Variants in SGCZ observed in about 807,000 individuals in gnomAD.
SGCZ encodes zeta-sarcoglycan.
SGCZ carries 40 observed loss-of-function variants against 41.3 expected under a neutral mutation model. That is an observed-to-expected ratio of 0.97 (90% CI 0.75 to 1.26). The LOEUF (loss-of-function observed/expected upper bound fraction) is 1.26, where lower values mean the gene tolerates loss of function less well. Among genes scored for constraint, SGCZ ranks in the 50% most tolerant of loss-of-function variants. SGCZ has a pLI of 0.00. For synonymous variants in SGCZ, 206 were observed against 137.5 expected (o/e 1.50, Z -3.49); for missense variants, 552 against 369.8 (o/e 1.49, Z -4.04).
intron 1 of SGCZ, among the ~76,000 whole-genome samples, chr8:15,188,965 CT>C (rs1800439984): frequency 1.3e-5 from 2 of 151,880 alleles, no homozygotes; most frequent in Non-Finnish European, 2.9e-5. Context: ...GACATTCATC[CT>C]CCATTCACTC....
At chr8:14,463,781 G>A (rs1406030163) in intron 2 of SGCZ, among the ~76,000 whole-genome samples, 1 of 151,532 alleles carries the variant, frequency 6.6e-6, no homozygotes, top group Admixed American at 6.6e-5. Context: ...ATTATGTTAA[G>A]GAAGTTTCCC....
At chr8:14,738,560 G>A (rs928384450) in intron 1 of SGCZ, among the ~76,000 whole-genome samples, 2 of 152,008 alleles carry the variant, frequency 1.3e-5, no homozygotes, top group African/African-American at 4.8e-5. Context: ...AATTTCCTCT[G>A]CAGTTACCAT....
At chr8:14,626,770 A>G (rs1806473711) in intron 1 of SGCZ, among the ~76,000 whole-genome samples, 2 of 152,182 alleles carry the variant, frequency 1.3e-5, no homozygotes, top group Admixed American at 6.5e-5. Context: ...CACAGCCCTC[A>G]GAAGGAACCA....
chr8:14,247,962 C>A (rs1799164007), intron 3 of SGCZ, among the ~76,000 whole-genome samples: 1 of 152,308 alleles, frequency 6.6e-6, no homozygotes, highest in African/African-American at 2.4e-5. Flanking sequence ...GAAAAATAGA[C>A]AATCTGCAGA....
chr8:14,875,036 G>C (rs562435800), intron 1 of SGCZ, among the ~76,000 whole-genome samples: 25 of 152,164 alleles, frequency 1.6e-4, no homozygotes, highest in Non-Finnish European at 3.4e-4. Context: ...ATCTTTGTCT[G>C]TGTGTATTGC....
At chr8:14,769,931 G>A (rs911541453) in intron 1 of SGCZ, among the ~76,000 whole-genome samples, 1 of 150,252 alleles carries the variant, frequency 6.7e-6, no homozygotes, top group Non-Finnish European at 1.5e-5. Flanking sequence ...CAGGCATAAA[G>A]ATGCAACTCA....
chr8:14,884,491 AGACCTAAC>A (rs1804716437), intron 1 of SGCZ, among the ~76,000 whole-genome samples: 4 of 152,184 alleles, frequency 2.6e-5, no homozygotes, highest in Middle Eastern at 3.4e-3. Flanking sequence ...TAGATGGTAA[AGACCTAAC>A]ATACACTGGG....
At chr8:14,235,235 G>A (rs1226448972) in intron 4 of SGCZ, among the ~76,000 whole-genome samples, 2 of 152,100 alleles carry the variant, frequency 1.3e-5, no homozygotes, top group East Asian at 1.9e-4. Context: ...CTTTCACACA[G>A]CCCTAGTCTT....
chr8:15,205,610 G>C (rs1234872823), intron 1 of SGCZ, among the ~76,000 whole-genome samples: 3 of 152,098 alleles, frequency 2.0e-5, no homozygotes, highest in Non-Finnish European at 4.4e-5. Context: ...AATAACAGAT[G>C]CTGGTGAGGC....
At chr8:14,868,159 T>C (rs563116037) in intron 1 of SGCZ, among the ~76,000 whole-genome samples, 5 of 152,254 alleles carry the variant, frequency 3.3e-5, no homozygotes, top group Admixed American at 6.5e-5. Context: ...ATATTTTTAC[T>C]GAAATCAACT....
chr8:14,132,118 C>T (rs752292875), intron 5 of SGCZ, among the ~76,000 whole-genome samples: 3 of 152,144 alleles, frequency 2.0e-5, no homozygotes, highest in Admixed American at 6.6e-5. Flanking sequence ...GTCCCTTAGC[C>T]TGTCTTCAAC....
chr8:14,799,690 A>AAT (rs925226501), intron 1 of SGCZ, among the ~76,000 whole-genome samples: 1 of 150,876 alleles, frequency 6.6e-6, no homozygotes, highest in African/African-American at 2.4e-5. Context: ...ATAAAAAAAA[A>AAT]TTTTTTTTTT....
intron 3 of SGCZ, among the ~76,000 whole-genome samples, chr8:14,291,872 AC>A (rs1459581345): frequency 6.6e-6 from 1 of 151,976 alleles, no homozygotes; most frequent in Non-Finnish European, 1.5e-5. Flanking sequence ...TCTTCCACTT[AC>A]CAAAAACAGA....
intron 1 of SGCZ, among the ~76,000 whole-genome samples, chr8:14,863,917 G>A (rs911945610): frequency 1.3e-5 from 2 of 152,066 alleles, no homozygotes; most frequent in African/African-American, 4.8e-5. Flanking sequence ...TGTCTTGCAT[G>A]GAAGAAATGA....
intron 1 of SGCZ, among the ~76,000 whole-genome samples, chr8:14,864,836 T>C (rs1327269577): frequency 6.6e-6 from 1 of 152,106 alleles, no homozygotes; most frequent in Non-Finnish European, 1.5e-5. Flanking sequence ...CAGTGTTTGT[T>C]ATTTTTGGTC....
At chr8:14,895,177 T>G (rs1400648872) in intron 1 of SGCZ, among the ~76,000 whole-genome samples, 1 of 152,200 alleles carries the variant, frequency 6.6e-6, no homozygotes, top group Admixed American at 6.5e-5. Flanking sequence ...TTATTGATTT[T>G]ATTAATAACA....
Position 14,488,975 on chromosome 8 carries a change from T to C in SGCZ, c.234+65757A>G, listed in dbSNP as rs73527157. On this transcript the variant is annotated intron_variant, in intron 2 of 7. Transcript: ENST00000382080. ...AAGAAAAAAATTCATCAACCAATTA[T>C]ATATATATAGATATACATAATATAT... Among the ~76,000 whole-genome samples the C allele has an allele frequency of 8.4e-3, 1,221 of 145,264 alleles. 22 individuals carry two copies. The highest frequency in any genetic ancestry group is 0.028 in the African/African-American group (1,121 of 39,678).
intron 1 of SGCZ, among the ~76,000 whole-genome samples, chr8:14,899,977 T>G (rs1213708318): frequency 6.6e-6 from 1 of 152,148 alleles, no homozygotes; most frequent in South Asian, 2.1e-4. Context: ...TGTGAAAAGG[T>G]TTAACGTGGG....
intron 4 of SGCZ, among the ~76,000 whole-genome samples, chr8:14,189,297 A>G (rs1040066144): frequency 6.6e-6 from 1 of 152,176 alleles, no homozygotes; most frequent in African/African-American, 2.4e-5. Flanking sequence ...CCAGAGTCAT[A>G]TATTTTTAAA....
Sources: gnomAD v4.1 joint callset for allele counts (sites outside exome capture counted in the v4.1 genomes callset) on GRCh38, gnomAD v4.1.1 for gene constraint, MANE v1.5 for transcripts, NCBI Gene and HGNC (gene_info 2026-07-23, HGNC 2026-07-21) for gene names.